Variants in TRDN observed in about 807,000 individuals in gnomAD.
TRDN encodes triadin in skeletal muscle.
TRDN carries 161 observed loss-of-function variants against 149.7 expected under a neutral mutation model. The ratio of observed to expected loss-of-function variants is 1.08; its 90% confidence interval spans 0.95 to 1.23. The LOEUF (loss-of-function observed/expected upper bound fraction) is 1.23, where lower values mean the gene tolerates loss of function less well. Ranked by LOEUF, TRDN falls within the 50% of genes most tolerant of loss-of-function variation. TRDN has a pLI of 0.00. For missense variants in TRDN, 896 were observed against 823.5 expected (o/e 1.09, Z -1.08); for synonymous variants, 294 against 250.5 (o/e 1.17, Z -1.64).
At chr6:123,618,000 G>C (rs1188917780) in intron 1 of TRDN, among the ~76,000 whole-genome samples, 2 of 152,078 alleles carry the variant, frequency 1.3e-5, no homozygotes, top group African/African-American at 2.4e-5. Context: ...GCCTCCCAAA[G>C]TGCTGTGATT....
At chr6:123,436,429 T>C (rs139431264) in intron 12 of TRDN, among the ~76,000 whole-genome samples, 61 of 152,280 alleles carry the variant, frequency 4.0e-4, no homozygotes, top group African/African-American at 1.4e-3. Flanking sequence ...TGGCTGATCC[T>C]TCTTGCTCAT....
rs556933137 is a variant in TRDN, at chr6:123,408,210, T to C, written c.1052-14533A>G. Among the ~76,000 whole-genome samples, 5 of 152,328 alleles carry C rather than the reference T, an allele frequency of 3.3e-5. No homozygotes were observed. The South Asian group carries it at 1.0e-3, about 32-fold the overall frequency. On this transcript the variant is annotated intron_variant, in intron 12 of 40. Coordinates refer to ENST00000334268, the MANE Select transcript of TRDN (RefSeq NM_006073.4). ...AATACCATGTGTTTAGTGCTATTTA[T>C]CTTGTTCATCCCAACACTGTGCTCA...
intron 24 of TRDN, among the ~76,000 whole-genome samples, chr6:123,300,882 T>G (rs1223311840): frequency 6.6e-6 from 1 of 151,524 alleles, no homozygotes; most frequent in East Asian, 1.9e-4. Context: ...CTTACCATTA[T>G]GTCCATGAAG....
chr6:123,565,262 C>T (rs1191167062), intron 2 of TRDN, among the ~76,000 whole-genome samples: 1 of 152,270 alleles, frequency 6.6e-6, no homozygotes, highest in South Asian at 2.1e-4. Context: ...TCTCCGGCAG[C>T]CTTTCTAAGC....
chr6:123,491,083 C>A (rs1266790425), intron 9 of TRDN, among the ~76,000 whole-genome samples: 2 of 127,686 alleles, frequency 1.6e-5, no homozygotes, highest in African/African-American at 6.0e-5. Context: ...TCCAGCCTGG[C>A]GACAGAGTGA....
chr6:123,490,149 A>G (rs1294640652), intron 9 of TRDN, among the ~76,000 whole-genome samples: 1 of 152,212 alleles, frequency 6.6e-6, no homozygotes, highest in Non-Finnish European at 1.5e-5. Flanking sequence ...TTCTTAAACT[A>G]TAGAATCAAT....
At chr6:123,584,426 T>G (rs988567336) in intron 1 of TRDN, among the ~76,000 whole-genome samples, 1 of 151,990 alleles carries the variant, frequency 6.6e-6, no homozygotes, top group Non-Finnish European at 1.5e-5. Context: ...TCAAGTTGTT[T>G]GGACAGAAAG....
At chr6:123,351,278 A>G in intron 21 of TRDN, 1 of 957,254 alleles carries the variant, frequency 1.0e-6, no homozygotes, top group South Asian at 4.8e-5. Flanking sequence ...CCTTTCACAT[A>G]TGTTTTCATG....
chr6:123,356,065 G>C (rs1341408255), intron 20 of TRDN, among the ~76,000 whole-genome samples: 1 of 151,600 alleles, frequency 6.6e-6, no homozygotes, highest in Non-Finnish European at 1.5e-5. Context: ...TATCATTTGT[G>C]AATAACGTGT....
At chr6:123,614,064 A>G (rs1320919451) in intron 1 of TRDN, among the ~76,000 whole-genome samples, 2 of 151,978 alleles carry the variant, frequency 1.3e-5, no homozygotes, top group Non-Finnish European at 2.9e-5. Context: ...GTGCTCTAAG[A>G]CCAGCACCTC....
intron 12 of TRDN, among the ~76,000 whole-genome samples, chr6:123,411,233 G>T: frequency 6.6e-6 from 1 of 151,782 alleles, no homozygotes. Flanking sequence ...TTTTAGTAGA[G>T]ACGAGCTTTC....
chr6:123,584,935 T>C (rs530111404), intron 1 of TRDN, among the ~76,000 whole-genome samples: 59 of 152,010 alleles, frequency 3.9e-4, no homozygotes, highest in Middle Eastern at 3.4e-3. Context: ...ACAGGTAAAA[T>C]GGGGGAATTG....
intron 12 of TRDN, among the ~76,000 whole-genome samples, chr6:123,407,378 C>G (rs1773238290): frequency 6.6e-6 from 1 of 152,160 alleles, no homozygotes; most frequent in Admixed American, 6.5e-5. Context: ...CACAGTCAAC[C>G]ACTTTTTACC....
chr6:123,601,965 T>C (rs1047522006), intron 1 of TRDN, among the ~76,000 whole-genome samples: 83 of 152,144 alleles, frequency 5.5e-4, no homozygotes, highest in Admixed American at 4.6e-3. Flanking sequence ...GTATCAAGAC[T>C]AGAACTCAGA....
Position 123,516,134 on chromosome 6 carries a change from T to G in TRDN, c.550+7A>C, listed in dbSNP as rs905900594. ...TGTGTTAAACAGTAATAAAAGTAAC[T>G]TCATACCTTTCTTTTCAGGTTTTTC... On this transcript the variant is annotated splice_region_variant and intron_variant, in intron 6 of 40. Coordinates refer to ENST00000334268, the MANE Select transcript of TRDN (RefSeq NM_006073.4). 6.7e-7 allele frequency: 1 copy of G among 1,488,584 alleles called. No homozygotes were observed. Among genetic ancestry groups the G allele is most frequent in the Non-Finnish European group, 9.0e-7 (1 of 1,107,732 alleles). 92.2% of individuals were successfully genotyped at this position (1,488,584 alleles called of 1,614,324 possible). A position where few individuals can be genotyped will look rare whatever the true frequency, so the allele number is the denominator to read the frequency against.
chr6:123,536,255 A>G (rs1410590863), intron 4 of TRDN, among the ~76,000 whole-genome samples: 2 of 152,158 alleles, frequency 1.3e-5, no homozygotes, highest in African/African-American at 4.8e-5. Context: ...TTAAATTTTC[A>G]ATGCCTAACA....
rs115637473 is a variant in TRDN at position 123,574,243 on chromosome 6, T to C, written c.23-3111A>G. ...ATTAACAATAGTGACAACAAATCTC[T>C]TTTCGGAAAAAAAACTGTGGAATAC... is the stretch of plus-strand genomic sequence containing the variant. On this transcript the variant is annotated intron_variant, in intron 1 of 40. Coordinates refer to ENST00000334268, the MANE Select transcript of TRDN (RefSeq NM_006073.4). Among the ~76,000 whole-genome samples, 542 of 152,016 alleles carry C rather than the reference T, an allele frequency of 3.6e-3. 5 individuals are homozygous for C. Among genetic ancestry groups the C allele is most frequent in the African/African-American group, 0.013 (523 of 41,530 alleles).
intron 38 of TRDN, among the ~76,000 whole-genome samples, chr6:123,239,640 A>G (rs1775914811): frequency 6.6e-6 from 1 of 152,110 alleles, no homozygotes; most frequent in Admixed American, 6.6e-5. Context: ...CTCTATAAAT[A>G]AAATCTAATA....
intron 19 of TRDN, among the ~76,000 whole-genome samples, chr6:123,375,187 A>G (rs1235928583): frequency 2.6e-5 from 4 of 152,164 alleles, no homozygotes; most frequent in African/African-American, 9.7e-5. Context: ...ACATTCCAAG[A>G]GCAATGGTTA....
Sources: allele counts gnomAD v4.1 joint callset (sites outside exome capture counted in the v4.1 genomes callset), GRCh38; gene constraint gnomAD v4.1.1; transcripts MANE v1.5; gene names NCBI Gene and HGNC (gene_info 2026-07-23, HGNC 2026-07-21).